Variants in NPAT observed in about 807,000 individuals in gnomAD.
NPAT encodes nuclear protein, coactivator of histone transcription, also known as protein NPAT.
In NPAT, 52 loss-of-function variants were observed where a neutral mutation model predicts 130.7. The ratio of observed to expected loss-of-function variants is 0.40; its 90% CI spans 0.32 to 0.50. NPAT has a LOEUF of 0.50. Ranked by LOEUF, NPAT falls within the 20% of genes least tolerant of loss-of-function variation. NPAT has a pLI of 0.68. For synonymous variants in NPAT, 580 were observed against 584.8 expected (o/e 0.99, Z 0.12); for missense variants, 1,687 against 1,662.6 (o/e 1.01, Z -0.26).
intron 13 of NPAT, 164 bp from the exon 14 acceptor site, chr11:108,170,207 A>C: frequency 1.7e-6 from 1 of 588,540 alleles, no homozygotes; most frequent in Non-Finnish European, 3.0e-6. Context: ...AAAACAAAAA[A>C]AACGAAACTG....
intron 2 of NPAT, among the ~76,000 whole-genome samples, chr11:108,196,495 T>A (rs2134874022): frequency 8.3e-6 from 1 of 121,102 alleles, no homozygotes; most frequent in African/African-American, 2.7e-5. Flanking sequence ...GCATTTTGAC[T>A]GTGAAAAATC....
In NPAT at chr11:108,161,362, TC is replaced by T; in HGVS notation, c.3723del (p.Ile1242LeufsTer15). The T allele has an allele frequency of 6.2e-7, 1 of 1,614,222 alleles. No homozygotes were observed. Among genetic ancestry groups the T allele is most frequent in the Non-Finnish European group, 8.5e-7 (1 of 1,180,040 alleles). ...ATATCCTGTAACATTTCTGTGGTAA[TC>T]AAAGAACTGGCGGATTTAGTTTGTT... ...KQEQTKSASS[L>X]ITTEMLQDIQ... On this transcript the variant is annotated frameshift_variant, in exon 17 of 18. Coordinates refer to ENST00000278612, the MANE Select transcript of NPAT (RefSeq NM_002519.3). LOFTEE classifies it high-confidence loss of function.
chr11:108,172,184 T>C lies in NPAT; in HGVS notation c.2785+15A>G. The C allele has an allele frequency of 6.2e-7, 1 of 1,609,656 alleles. No individual in the cohort carries two copies. The highest frequency in any genetic ancestry group is 8.5e-7 in the Non-Finnish European group (1 of 1,175,906). On this transcript the variant is annotated intron_variant, in intron 13 of 17. Transcript: ENST00000278612. ...AACCCAGAGAAACAAATTTCAATTATGTTATTAAAGTTACCTTGTGAAAAG... is the reference window on the plus strand; with the variant it reads ...AACCCAGAGAAACAAATTTCAATTACGTTATTAAAGTTACCTTGTGAAAAG...
At position 108,209,000 on chromosome 11, in the gene NPAT, C is replaced by T. The variant is rs112530198; in HGVS notation, c.38-11580G>A. Among the ~76,000 whole-genome samples the T allele has an allele frequency of 7.2e-3, 1,103 of 152,282 alleles. 9 individuals are homozygous for T. The highest frequency in any genetic ancestry group is 0.024 in the African/African-American group (981 of 41,546). ...AACACCTGTATTTAAAAAAGAGATG[C>T]CAGGCATGGTGGCTCACGCCTGTAA... On this transcript the variant is annotated intron_variant, in intron 1 of 17. Transcript: ENST00000278612.
At chr11:108,164,573 G>A (rs1297666399) in intron 15 of NPAT, among the ~76,000 whole-genome samples, 1 of 152,222 alleles carries the variant, frequency 6.6e-6, no homozygotes, top group Non-Finnish European at 1.5e-5. Context: ...ACTGGTTGAA[G>A]AGGAATTCAA....
intron 15 of NPAT, 89 bp from the exon 16 acceptor site, chr11:108,162,269 A>C: frequency 8.4e-7 from 1 of 1,184,160 alleles, no homozygotes; most frequent in Non-Finnish European, 1.2e-6. Flanking sequence ...TATCATGAGA[A>C]AAAATTTTAA....
intron 1 of NPAT, among the ~76,000 whole-genome samples, chr11:108,214,151 C>T (rs1565329814): frequency 1.3e-5 from 2 of 152,330 alleles, no homozygotes; most frequent in South Asian, 4.1e-4. Flanking sequence ...CTGCCTTGGC[C>T]TCCCAAAGTG....
intron 10 of NPAT, among the ~76,000 whole-genome samples, chr11:108,181,873 C>G (rs1375857493): frequency 6.6e-6 from 1 of 152,142 alleles, no homozygotes; most frequent in East Asian, 1.9e-4. Flanking sequence ...GGTATCTTTT[C>G]CTGAGAATCT....
chr11:108,193,454 A>G (rs2078190240), intron 3 of NPAT, among the ~76,000 whole-genome samples: 1 of 152,104 alleles, frequency 6.6e-6, no homozygotes. Context: ...GGCTGGGGGC[A>G]GTGGCTCACA....
chr11:108,159,159 C>G, intron 17 of NPAT, 140 bp from the exon 18 acceptor site: 1 of 608,214 alleles, frequency 1.6e-6, no homozygotes, highest in South Asian at 1.8e-5. Context: ...AATTTTACTT[C>G]TATAGAGAAG....
At chr11:108,180,634 A>G (rs1591395872) in intron 10 of NPAT, among the ~76,000 whole-genome samples, 1 of 152,216 alleles carries the variant, frequency 6.6e-6, no homozygotes, top group South Asian at 2.1e-4. Flanking sequence ...GCTATGAGAA[A>G]CATTAGAAAG....
chr11:108,168,617 C>T (rs2077922005), intron 15 of NPAT, among the ~76,000 whole-genome samples: 2 of 152,090 alleles, frequency 1.3e-5, no homozygotes, highest in Non-Finnish European at 1.5e-5. Context: ...ATAGGTATCA[C>T]TAAGAATTAA....
In NPAT at chr11:108,207,552, G is replaced by A. The variant is rs373940474; in HGVS notation, c.38-10132C>T. Among the ~76,000 whole-genome samples the A allele has an allele frequency of 6.4e-4, 97 of 152,372 alleles. No individual in the cohort carries two copies. The South Asian group carries it at 9.7e-3, about 15-fold the overall frequency. ...AGAGCTCAAAGTCCAGAGGGGGACC[G>A]AGGCAGCATGAGGCTGGTGTGTTGG... is the stretch of plus-strand genomic sequence containing the variant. On this transcript the variant is annotated intron_variant, in intron 1 of 17. Transcript: ENST00000278612.
At chr11:108,160,743 G>T in intron 17 of NPAT, 137 bp downstream of exon 17, 2 of 755,694 alleles carry the variant, frequency 2.6e-6, no homozygotes, top group Non-Finnish European at 4.4e-6. Context: ...TCATGGTTAT[G>T]TATTTTGTCA....
intron 10 of NPAT, among the ~76,000 whole-genome samples, chr11:108,179,115 AC>A (rs898352217): frequency 2.0e-5 from 3 of 152,254 alleles, no homozygotes; most frequent in Non-Finnish European, 4.4e-5. Flanking sequence ...CCAAGATCAT[AC>A]AATGCAGAAA....
intron 1 of NPAT, among the ~76,000 whole-genome samples, chr11:108,204,290 T>C (rs2078303941): frequency 6.6e-6 from 1 of 152,126 alleles, no homozygotes; most frequent in African/African-American, 2.4e-5. Flanking sequence ...ACTTCCTCGA[T>C]GCCTAAGGCC....
At position 108,189,094 on chromosome 11, in the gene NPAT, A is replaced by AT; in HGVS notation, c.556+11dup. On this transcript the variant is annotated intron_variant, in intron 6 of 17. Coordinates refer to ENST00000278612, the MANE Select transcript of NPAT (RefSeq NM_002519.3). Reference sequence around the variant, plus strand: ...TAACAACAAAATTTAAGAGAACAAAATGTAAACTTACTGGTTACAGTATCT... The same window carrying AT: ...TAACAACAAAATTTAAGAGAACAAAATTGTAAACTTACTGGTTACAGTATCT... The AT allele has an allele frequency of 1.9e-6, 3 of 1,600,662 alleles. No individual in the cohort carries two copies. In the African/African-American group the frequency reaches 4.0e-5, roughly 21 times the overall value.
rs1049816412 is a variant in NPAT at position 108,181,379 on chromosome 11, C to T, written c.906+3853G>A. On this transcript the variant is annotated intron_variant, in intron 10 of 17. Coordinates refer to ENST00000278612, the MANE Select transcript of NPAT (RefSeq NM_002519.3). The stretch of plus-strand genomic sequence containing the variant: ...ACTTGGGAGGCTGAAGCAGGAGAAT[C>T]GCTTGAACCTGGGAGGCAGAGATTG... 5.3e-5 allele frequency among the ~76,000 whole-genome samples: 8 copies of T among 152,082 alleles called. No individual in the cohort carries two copies. In the South Asian group the frequency reaches 8.3e-4, roughly 16 times the overall value.
intron 3 of NPAT, among the ~76,000 whole-genome samples, chr11:108,192,897 T>C (rs2078184332): frequency 6.6e-6 from 1 of 151,660 alleles, no homozygotes; most frequent in Non-Finnish European, 1.5e-5. Context: ...GAGGTTGCGG[T>C]GAGCCGAGAT....
Sources: gnomAD v4.1 joint callset for allele counts (sites outside exome capture counted in the v4.1 genomes callset) on GRCh38, gnomAD v4.1.1 for gene constraint, MANE v1.5 for transcripts, NCBI Gene and HGNC (gene_info 2026-07-23, HGNC 2026-07-21) for gene names.